CTNNA3: variants seen among roughly 807,000 people sequenced by gnomAD.
CTNNA3 encodes catenin alpha-3.
CTNNA3 carries 76 observed loss-of-function variants against 95.7 expected under a neutral mutation model. That is an observed-to-expected ratio of 0.79 (90% confidence interval 0.66 to 0.96). The LOEUF (loss-of-function observed/expected upper bound fraction) is 0.96, where lower values mean the gene tolerates loss of function less well. Among genes scored for constraint, CTNNA3 ranks in the 40% least tolerant of loss-of-function variants. The pLI is 0.00. For missense variants in CTNNA3, 1,191 were observed against 1,089.8 expected (o/e 1.09, Z -1.31); for synonymous variants, 431 against 374.4 (o/e 1.15, Z -1.74).
chr10:67,563,020 C>G (rs1359211039), intron 3 of CTNNA3, among the ~76,000 whole-genome samples: 1 of 152,054 alleles, frequency 6.6e-6, no homozygotes, highest in Non-Finnish European at 1.5e-5. Context: ...ACATTCCATG[C>G]TCATGGGTAG....
chr10:66,652,966 A>G (rs1845960504), intron 9 of CTNNA3, among the ~76,000 whole-genome samples: 1 of 152,152 alleles, frequency 6.6e-6, no homozygotes, highest in Admixed American at 6.5e-5. Context: ...TCAAAAAATT[A>G]GATATACAAG....
intron 10 of CTNNA3, among the ~76,000 whole-genome samples, chr10:66,522,488 G>A (rs539347144): frequency 6.6e-6 from 1 of 152,058 alleles, no homozygotes; most frequent in East Asian, 1.9e-4. Context: ...GAGTTCTCAC[G>A]AGATCTGATA....
chr10:66,758,567 C>A (rs1224811257), intron 9 of CTNNA3, among the ~76,000 whole-genome samples: 1 of 152,090 alleles, frequency 6.6e-6, no homozygotes, highest in Non-Finnish European at 1.5e-5. Flanking sequence ...TACCTCTTGA[C>A]CAAATACCAT....
At chr10:66,382,077 G>T (rs562511780) in intron 11 of CTNNA3, among the ~76,000 whole-genome samples, 2 of 152,216 alleles carry the variant, frequency 1.3e-5, no homozygotes, top group Non-Finnish European at 2.9e-5. Flanking sequence ...CACTGGGACT[G>T]GTTGGACAGT....
At chr10:66,170,381 G>T (rs1360979278) in intron 13 of CTNNA3, among the ~76,000 whole-genome samples, 2 of 149,270 alleles carry the variant, frequency 1.3e-5, no homozygotes, top group Non-Finnish European at 3.0e-5. Flanking sequence ...TAAAACACTA[G>T]ATTGCATGCT....
chr10:66,157,017 T>G (rs74780619), intron 13 of CTNNA3, among the ~76,000 whole-genome samples: 3 of 152,054 alleles, frequency 2.0e-5, no homozygotes, highest in Non-Finnish European at 1.5e-5. Flanking sequence ...GTTTTGGTTT[T>G]GTTTTGTTTT....
intron 7 of CTNNA3, among the ~76,000 whole-genome samples, chr10:66,834,148 C>T (rs1027328121): frequency 1.3e-5 from 2 of 152,138 alleles, no homozygotes; most frequent in East Asian, 3.9e-4. Context: ...CTTTTCCTGC[C>T]TTCTACAGTT....
At chr10:67,164,058 T>A (rs1325506904) in intron 7 of CTNNA3, among the ~76,000 whole-genome samples, 1 of 149,586 alleles carries the variant, frequency 6.7e-6, no homozygotes, top group Non-Finnish European at 1.5e-5. Context: ...TAAATTGATA[T>A]ACAAGTTTTT....
intron 5 of CTNNA3, among the ~76,000 whole-genome samples, chr10:67,510,720 A>T (rs1839595936): frequency 6.6e-6 from 1 of 152,114 alleles, no homozygotes; most frequent in African/African-American, 2.4e-5. Context: ...GTTTTTTCCA[A>T]TTCTGTGAGG....
intron 12 of CTNNA3, among the ~76,000 whole-genome samples, chr10:66,346,829 G>A (rs568128020): frequency 9.9e-5 from 15 of 152,186 alleles, no homozygotes; most frequent in Admixed American, 5.2e-4. Context: ...GTTGGGGAAA[G>A]AGTTGTAACC....
chr10:66,361,386 C>T (rs1211149334), intron 12 of CTNNA3, among the ~76,000 whole-genome samples: 1 of 140,132 alleles, frequency 7.1e-6, no homozygotes, highest in African/African-American at 2.6e-5. Context: ...CTTTCCTTTC[C>T]TTCCTTCTTC....
chr10:67,045,928 T>A (rs1401784864), intron 7 of CTNNA3, among the ~76,000 whole-genome samples: 1 of 152,190 alleles, frequency 6.6e-6, no homozygotes, highest in Non-Finnish European at 1.5e-5. Context: ...GCACAAGAAC[T>A]TCTCGAGTAG....
chr10:66,174,577 T>A (rs553410762), intron 13 of CTNNA3, among the ~76,000 whole-genome samples: 1 of 152,152 alleles, frequency 6.6e-6, no homozygotes, highest in East Asian at 1.9e-4. Flanking sequence ...TGGGTCCACT[T>A]ATATGTCAAC....
intron 7 of CTNNA3, 150 bp from the exon 8 acceptor site, chr10:66,775,674 C>T: frequency 1.7e-6 from 1 of 579,672 alleles, no homozygotes; most frequent in Non-Finnish European, 3.1e-6. Flanking sequence ...GAGCATTTCA[C>T]TTAAGACTAA....
In CTNNA3 at chr10:66,053,454, C is replaced by T. The variant is rs115302324; in HGVS notation, c.2159+15854G>A. ...ATATGGGCATGCGATGTGAAATAAA[C>T]GCATCATGGAGCATGGGGTATCCAT... is the stretch of plus-strand genomic sequence containing the variant. On this transcript the variant is annotated intron_variant, in intron 15 of 17. Coordinates refer to ENST00000433211, the MANE Select transcript of CTNNA3 (RefSeq NM_013266.4). Among the ~76,000 whole-genome samples, 1,262 of 151,926 alleles carry T rather than the reference C, an allele frequency of 8.3e-3. 13 individuals carry two copies. Among genetic ancestry groups the T allele is most frequent in the African/African-American group, 0.029 (1,190 of 41,484 alleles).
chr10:66,463,933 A>G (rs984953450), intron 11 of CTNNA3, among the ~76,000 whole-genome samples: 3 of 151,590 alleles, frequency 2.0e-5, no homozygotes, highest in Non-Finnish European at 4.4e-5. Flanking sequence ...AACAAGTTTC[A>G]AAGACAGTAG....
intron 17 of CTNNA3, among the ~76,000 whole-genome samples, chr10:65,943,043 A>C (rs2133182451): frequency 6.6e-6 from 1 of 152,106 alleles, no homozygotes; most frequent in African/African-American, 2.4e-5. Context: ...TTCTGTTGAT[A>C]ATAGTTATGT....
At chr10:66,394,468 G>A (rs905557572) in intron 11 of CTNNA3, among the ~76,000 whole-genome samples, 4 of 149,820 alleles carry the variant, frequency 2.7e-5, no homozygotes, top group African/African-American at 7.4e-5. Flanking sequence ...CTCTACTACT[G>A]AGCTTTTTCA....
At chr10:66,124,149 C>T (rs2082713554) in intron 13 of CTNNA3, among the ~76,000 whole-genome samples, 1 of 151,972 alleles carries the variant, frequency 6.6e-6, no homozygotes, top group African/African-American at 2.4e-5. Context: ...TAACTGAATG[C>T]CTTTAACAGC....
Sources: allele counts gnomAD v4.1 joint callset (sites outside exome capture counted in the v4.1 genomes callset), GRCh38; gene constraint gnomAD v4.1.1; transcripts MANE v1.5; gene names NCBI Gene and HGNC (gene_info 2026-07-23, HGNC 2026-07-21).